Variants in ADSS1 observed in about 807,000 individuals in gnomAD.
ADSS1 encodes the protein adenylosuccinate synthetase isozyme 1.
A neutral mutation model predicts 59.1 loss-of-function variants in ADSS1; 57 were observed. The ratio of observed to expected loss-of-function variants is 0.97; its 90% CI spans 0.78 to 1.20. The LOEUF is 1.20. Ranked by LOEUF, ADSS1 falls within the 50% of genes most tolerant of loss-of-function variation. ADSS1 has a pLI of 0.00. For synonymous variants in ADSS1, 247 were observed against 249.4 expected, an observed-to-expected ratio of 0.99 and a Z score of 0.09; for missense variants, 603 against 610.3, an observed-to-expected ratio of 0.99 and a Z score of 0.13.
chr14:104,730,007 C>G, intron 1 of ADSS1: 1 of 1,594,966 alleles, frequency 6.3e-7, no homozygotes, highest in Non-Finnish European at 8.5e-7. Flanking sequence ...CCTCCCCTGG[C>G]TGCCTCCAAG....
intron 1 of ADSS1, among the ~76,000 whole-genome samples, chr14:104,728,972 T>C (rs1890801023): frequency 6.6e-6 from 1 of 152,108 alleles, no homozygotes; most frequent in Non-Finnish European, 1.5e-5. Flanking sequence ...TGCAGTGGCG[T>C]TGAGGCACGG....
chr14:104,742,074 G>C, intron 9 of ADSS1, 72 bp downstream of exon 9: 1 of 1,576,374 alleles, frequency 6.3e-7, no homozygotes, highest in Non-Finnish European at 8.6e-7. Flanking sequence ...GGTGGGGTGA[G>C]CAGTGCCAGG....
intron 2 of ADSS1, chr14:104,737,069 C>T (rs549489231): frequency 2.6e-5 from 4 of 151,812 alleles, no homozygotes; most frequent in Admixed American, 1.3e-4. Context: ...TTGTGACAAT[C>T]GATGAACCTA....
chr14:104,725,941 C>G (rs1890707082), intron 1 of ADSS1, among the ~76,000 whole-genome samples: 1 of 152,236 alleles, frequency 6.6e-6, no homozygotes, highest in Non-Finnish European at 1.5e-5. Context: ...GCGCTCCCAG[C>G]TGTGGAGATG....
At chr14:104,734,685 G>A (rs1475250423) in intron 1 of ADSS1, among the ~76,000 whole-genome samples, 1 of 152,190 alleles carries the variant, frequency 6.6e-6, no homozygotes, top group South Asian at 2.1e-4. Flanking sequence ...CTGTGGGAGG[G>A]TTAGGCCTCC....
At chr14:104,726,476 C>T (rs1890721012) in intron 1 of ADSS1, among the ~76,000 whole-genome samples, 1 of 152,220 alleles carries the variant, frequency 6.6e-6, no homozygotes. Flanking sequence ...TGACCCCTAC[C>T]TCACAGTGCC....
intron 1 of ADSS1, among the ~76,000 whole-genome samples, chr14:104,726,276 T>G (rs1890716010): frequency 6.6e-6 from 1 of 152,248 alleles, no homozygotes; most frequent in Non-Finnish European, 1.5e-5. Context: ...CGTGGAGGAA[T>G]GAGTCACTGC....
In ADSS1 at chr14:104,742,014, G is replaced by GCC; in HGVS notation, c.948+15_948+16dup. ...CCGAGCAGATCAACGTGAGTCCCCA[G>GCC]CCCCTCGGGACCCCGTGGGAGGACA... On this transcript the variant is annotated intron_variant, in intron 9 of 12. Transcript: ENST00000330877. 6.2e-7 allele frequency: 1 copy of GCC among 1,612,106 alleles called. No individual in the cohort carries two copies. Among genetic ancestry groups the GCC allele is most frequent in the Non-Finnish European group, 8.5e-7 (1 of 1,179,612 alleles).
chr14:104,738,590 A>G, intron 3 of ADSS1, 152 bp downstream of exon 3: 1 of 858,886 alleles, frequency 1.2e-6, no homozygotes, highest in Non-Finnish European at 1.8e-6. Flanking sequence ...CGCCGGCTCT[A>G]CCCGCGCAGA....
At position 104,740,400 on chromosome 14, in the gene ADSS1, A is replaced by G. The variant is rs933826068; in HGVS notation, c.477-201A>G. ...ACATGCACACACTCCACATGCACAC[A>G]TCCACCCACAGGCACACACCATACC... On this transcript the variant is annotated intron_variant, in intron 5 of 12. Transcript: ENST00000330877. This position sits in a 1 kb window ranked among gnomAD's most constrained non-coding sequence, Gnocchi z 4.8. Among the ~76,000 whole-genome samples the G allele has an allele frequency of 1.3e-5, 2 of 152,116 alleles. No individual in the cohort carries two copies. Among genetic ancestry groups the G allele is most frequent in the African/African-American group, 4.8e-5 (2 of 41,408 alleles).
intron 1 of ADSS1, among the ~76,000 whole-genome samples, chr14:104,731,678 G>A (rs1890936672): frequency 6.6e-6 from 1 of 152,210 alleles, no homozygotes; most frequent in African/African-American, 2.4e-5. Context: ...CTTGGCCTGA[G>A]GGGCTGTGGT....
At chr14:104,724,510 C>G in intron 1 of ADSS1, 48 bp downstream of exon 1, 1 of 1,228,518 alleles carries the variant, frequency 8.1e-7, no homozygotes, top group East Asian at 3.2e-5. Flanking sequence ...AGCGAGCCCC[C>G]CTCCCCCGAC....
Position 104,740,931 on chromosome 14 carries a change from G to A in ADSS1, c.666+11G>A, listed in dbSNP as rs551647159. The A allele has an allele frequency of 1.2e-5, 19 of 1,613,908 alleles. No individual in the cohort carries two copies. In the East Asian group the frequency reaches 4.0e-4, roughly 34 times the overall value. On this transcript the variant is annotated intron_variant, in intron 7 of 12. Coordinates refer to ENST00000330877, the MANE Select transcript of ADSS1 (RefSeq NM_152328.5). This position sits in a 1 kb window ranked among gnomAD's most constrained non-coding sequence, Gnocchi z 4.8. The stretch of plus-strand genomic sequence containing the variant: ...CTCAAAAGGCTCAAGGTGAAGTCGG[G>A]GCCGCAGTGTGGGGGCTGCGGAAGT...
rs532970473 is a variant in ADSS1, at chr14:104,739,658, A to T, written c.410-92A>T. The T allele has an allele frequency of 1.3e-5, 18 of 1,402,586 alleles. No homozygotes were observed. The East Asian group carries it at 3.7e-4, about 29-fold the overall frequency. The allele number at this position is 1,402,586 out of a possible 1,614,324, so 86.9% of individuals were successfully genotyped here. A position where few individuals can be genotyped will look rare whatever the true frequency, so the allele number is the denominator to read the frequency against. ...ATCTCAACCACCCCCTTCCCAGGAG[A>T]CTCAGGCCAGCAGGAGGTGAGGTCC... On this transcript the variant is annotated intron_variant, in intron 4 of 12. Coordinates refer to ENST00000330877, the MANE Select transcript of ADSS1 (RefSeq NM_152328.5).
rs902876371 is a variant in ADSS1 at position 104,740,262 on chromosome 14, C to T, written c.477-339C>T. Among the ~76,000 whole-genome samples the T allele has an allele frequency of 5.3e-5, 8 of 152,064 alleles. No individual in the cohort carries two copies. Among genetic ancestry groups the T allele is most frequent in the African/African-American group, 1.7e-4 (7 of 41,400 alleles). ...TCACACTCTCACACAGGCACACACTCATGCTCTTACATACACACCACACGC... is the reference window on the plus strand; with the variant it reads ...TCACACTCTCACACAGGCACACACTTATGCTCTTACATACACACCACACGC... On this transcript the variant is annotated intron_variant, in intron 5 of 12. Transcript: ENST00000330877. The surrounding 1 kb of genome is among the most constrained non-coding windows in gnomAD (Gnocchi z 4.8).
At chr14:104,732,263 G>T (rs1319779337) in intron 1 of ADSS1, among the ~76,000 whole-genome samples, 3 of 152,172 alleles carry the variant, frequency 2.0e-5, no homozygotes, top group Non-Finnish European at 2.9e-5. Context: ...GTTCCCCTTT[G>T]TCCAGCCCTC....
intron 11 of ADSS1, chr14:104,746,012 C>G: frequency 2.0e-6 from 1 of 497,534 alleles, no homozygotes; most frequent in Non-Finnish European, 3.6e-6. Flanking sequence ...TGTCATGTCC[C>G]TCTGGTCTGG....
At chr14:104,727,935 GAAGGGGC>G (rs1890765352) in intron 1 of ADSS1, among the ~76,000 whole-genome samples, 1 of 152,240 alleles carries the variant, frequency 6.6e-6, no homozygotes, top group African/African-American at 2.4e-5. Flanking sequence ...TACACGGGCT[GAAGGGGC>G]CTGCCCTGGG....
At chr14:104,728,643 C>T (rs1595193918) in intron 1 of ADSS1, among the ~76,000 whole-genome samples, 2 of 152,228 alleles carry the variant, frequency 1.3e-5, no homozygotes, top group African/African-American at 4.8e-5. Flanking sequence ...GCACAGTCGT[C>T]GTACAAACTG....
Sources: gnomAD v4.1 joint callset for allele counts (sites outside exome capture counted in the v4.1 genomes callset) on GRCh38, gnomAD v4.1.1 for gene constraint, Gnocchi (gnomAD v3.1) non-coding constraint, MANE v1.5 for transcripts, NCBI Gene and HGNC (gene_info 2026-07-23, HGNC 2026-07-21) for gene names.